The following DYNC1I1 variants were observed in gnomAD, a reference collection of about 807,000 sequenced individuals.
DYNC1I1 encodes dynein cytoplasmic 1 intermediate chain 1, also known as cytoplasmic dynein 1 intermediate chain 1.
Under a neutral mutation model 86.6 loss-of-function variants are expected in DYNC1I1, and 43 were observed. The observed-to-expected ratio is 0.50, with a 90% confidence interval of 0.39 to 0.64. DYNC1I1 has a LOEUF of 0.64. DYNC1I1 is among the 30% of genes least tolerant of loss of function. The probability of loss-of-function intolerance (pLI) is 0.00; values close to 1 mark genes in which losing one functional copy is unlikely to be tolerated. For synonymous variants in DYNC1I1, 262 were observed against 283.7 expected (o/e 0.92, Z 0.77); for missense variants, 604 against 788.8 (o/e 0.77, Z 2.81).
chr7:96,000,518 C>T (rs1793982891), intron 10 of DYNC1I1, among the ~76,000 whole-genome samples: 1 of 152,156 alleles, frequency 6.6e-6, no homozygotes, highest in Non-Finnish European at 1.5e-5. Context: ...TACTTTGTGC[C>T]TTTCGGAAAA....
chr7:96,045,352 T>C (rs1188959593), intron 14 of DYNC1I1, among the ~76,000 whole-genome samples: 1 of 152,114 alleles, frequency 6.6e-6, no homozygotes, highest in Non-Finnish European at 1.5e-5. Context: ...TCACTGCAAA[T>C]GAGGACGTCA....
At chr7:96,085,181 C>A (rs1050848423) in intron 16 of DYNC1I1, among the ~76,000 whole-genome samples, 1 of 152,160 alleles carries the variant, frequency 6.6e-6, no homozygotes, top group Non-Finnish European at 1.5e-5. Context: ...CAGCTCAGTA[C>A]CCCCATGACC....
intron 9 of DYNC1I1, among the ~76,000 whole-genome samples, chr7:95,988,139 G>T (rs1327610510): frequency 6.6e-6 from 1 of 152,204 alleles, no homozygotes; most frequent in Non-Finnish European, 1.5e-5. Flanking sequence ...CACTTTGGGA[G>T]GCCAAGGCGG....
At chr7:95,947,981 T>C (rs1248998503) in intron 6 of DYNC1I1, among the ~76,000 whole-genome samples, 2 of 37,990 alleles carry the variant, frequency 5.3e-5, no homozygotes, top group Admixed American at 7.8e-4. Flanking sequence ...TGTATGTGGC[T>C]TTTTTTTTTT....
At chr7:95,844,190 A>G (rs1242371045) in intron 5 of DYNC1I1, among the ~76,000 whole-genome samples, 1 of 152,180 alleles carries the variant, frequency 6.6e-6, no homozygotes, top group Non-Finnish European at 1.5e-5. Flanking sequence ...CAAATTATTA[A>G]ACCTAGTACC....
intron 11 of DYNC1I1, among the ~76,000 whole-genome samples, chr7:96,028,907 TGTCA>T (rs1157764679): frequency 1.3e-5 from 2 of 152,206 alleles, no homozygotes; most frequent in Non-Finnish European, 2.9e-5. Context: ...ACAACTACTC[TGTCA>T]TTTCCTTTAA....
chr7:96,011,528 G>C lies in DYNC1I1; in HGVS notation c.969+15455G>C, dbSNP rs145029587. On this transcript the variant is annotated intron_variant, in intron 10 of 16. Transcript: ENST00000447467. ...TAGAACTATAGGAAAAATTGCTCAGGAGAATTTTCACCTTGTGAAATTTGC... is the reference window on the plus strand; with the variant it reads ...TAGAACTATAGGAAAAATTGCTCAGCAGAATTTTCACCTTGTGAAATTTGC... 4.5e-3 allele frequency among the ~76,000 whole-genome samples: 683 copies of C among 152,182 alleles called. 9 individuals carry two copies. The highest frequency in any genetic ancestry group is 0.016 in the African/African-American group (646 of 41,532).
chr7:96,013,797 G>C (rs1452852536), intron 10 of DYNC1I1, among the ~76,000 whole-genome samples: 1 of 152,150 alleles, frequency 6.6e-6, no homozygotes, highest in African/African-American at 2.4e-5. Flanking sequence ...CTTAGGAACT[G>C]GCTGAGGCAC....
chr7:95,924,903 A>G (rs1365872350), intron 6 of DYNC1I1, among the ~76,000 whole-genome samples: 1 of 152,188 alleles, frequency 6.6e-6, no homozygotes, highest in Non-Finnish European at 1.5e-5. Flanking sequence ...GGTGACTATT[A>G]GGTGGCCTTA....
At chr7:96,013,894 A>G (rs1276781022) in intron 10 of DYNC1I1, among the ~76,000 whole-genome samples, 1 of 152,180 alleles carries the variant, frequency 6.6e-6, no homozygotes, top group African/African-American at 2.4e-5. Flanking sequence ...GTACCCATGA[A>G]GAAATTAAGC....
chr7:96,001,958 G>A (rs1476880072), intron 10 of DYNC1I1, among the ~76,000 whole-genome samples: 1 of 152,186 alleles, frequency 6.6e-6, no homozygotes, highest in Non-Finnish European at 1.5e-5. Context: ...TTGCATGATA[G>A]TCACGTGGGA....
rs562679329 is a variant in DYNC1I1, at chr7:95,838,515, A to T, written c.374+10399A>T. ...TACCTTTCTAAAGATTGCTTTGGTT[A>T]TTCAAGGTCTTTTGGGGTTCCATAT... On this transcript the variant is annotated intron_variant, in intron 5 of 16. Coordinates refer to ENST00000447467, the MANE Select transcript of DYNC1I1 (RefSeq NM_001135556.2). 1.7e-4 allele frequency among the ~76,000 whole-genome samples: 26 copies of T among 152,296 alleles called. 1 individual carries two copies. The highest frequency in any genetic ancestry group is 6.3e-4 in the African/African-American group (26 of 41,576).
intron 1 of DYNC1I1, among the ~76,000 whole-genome samples, chr7:95,791,407 G>A (rs1166977981): frequency 1.3e-5 from 2 of 152,174 alleles, no homozygotes; most frequent in Non-Finnish European, 2.9e-5. Context: ...CAAAGCTAAA[G>A]CTAGTCATAT....
rs1212511151 is a variant in DYNC1I1 at position 95,909,246 on chromosome 7, G to C, written c.490+39248G>C. On this transcript the variant is annotated intron_variant, in intron 6 of 16. Coordinates refer to ENST00000447467, the MANE Select transcript of DYNC1I1 (RefSeq NM_001135556.2). Reference sequence around the variant, plus strand: ...AACTTGGAGGGTGGGAGGGGGGTGGGGGGGGGGGGCGGGGCGGGAAGGGAA... The same window carrying C: ...AACTTGGAGGGTGGGAGGGGGGTGGCGGGGGGGGGCGGGGCGGGAAGGGAA... 5.7e-5 allele frequency among the ~76,000 whole-genome samples: 3 copies of C among 52,496 alleles called. No homozygotes were observed. In the South Asian group the frequency reaches 3.8e-3, roughly 66 times the overall value. The allele number at this position is 52,496 out of a possible 152,430, so 34.4% of individuals were successfully genotyped here.
At chr7:95,890,121 C>T (rs1188740982) in intron 6 of DYNC1I1, among the ~76,000 whole-genome samples, 2 of 152,140 alleles carry the variant, frequency 1.3e-5, no homozygotes, top group Non-Finnish European at 2.9e-5. Flanking sequence ...CCCATAAAGG[C>T]ATATGCATGT....
chr7:95,871,152 G>T (rs1036674848), intron 6 of DYNC1I1, among the ~76,000 whole-genome samples: 21 of 152,148 alleles, frequency 1.4e-4, no homozygotes, highest in African/African-American at 5.1e-4. Context: ...TGAAGTCCGG[G>T]GTGCCGTTAG....
chr7:95,779,530 TG>T (rs1214588324), intron 1 of DYNC1I1, among the ~76,000 whole-genome samples: 5 of 152,222 alleles, frequency 3.3e-5, no homozygotes, highest in Non-Finnish European at 7.4e-5. Flanking sequence ...CTGGGATGTG[TG>T]TGATCTTGCC....
intron 3 of DYNC1I1, among the ~76,000 whole-genome samples, chr7:95,812,531 G>C (rs1026148741): frequency 6.6e-6 from 1 of 152,088 alleles, no homozygotes; most frequent in Admixed American, 6.6e-5. Flanking sequence ...CACATGGCAG[G>C]GTCTTCTAGA....
At chr7:95,944,587 C>T (rs997047572) in intron 6 of DYNC1I1, among the ~76,000 whole-genome samples, 37 of 152,114 alleles carry the variant, frequency 2.4e-4, no homozygotes, top group South Asian at 6.2e-4. Context: ...ATGTTTATTG[C>T]GGCACTATTC....
Sources: gnomAD v4.1 joint callset for allele counts (sites outside exome capture counted in the v4.1 genomes callset) on GRCh38, gnomAD v4.1.1 for gene constraint, MANE v1.5 for transcripts, NCBI Gene and HGNC (gene_info 2026-07-23, HGNC 2026-07-21) for gene names.